Variants in EYA4 observed in about 807,000 individuals in gnomAD.
The protein encoded by EYA4 is protein phosphatase EYA4.
A neutral mutation model predicts 87.9 loss-of-function variants in EYA4; 31 were observed. The observed-to-expected ratio is 0.35, with a 90% CI of 0.27 to 0.48. The LOEUF (loss-of-function observed/expected upper bound fraction) is 0.48, where lower values mean the gene tolerates loss of function less well. EYA4 is among the 20% of genes least tolerant of loss of function. The pLI is 0.99. For missense variants in EYA4, 678 were observed against 761.4 expected (o/e 0.89, Z 1.29); for synonymous variants, 263 against 270.6 (o/e 0.97, Z 0.28).
chr6:133,407,819 T>A (rs1250931894), intron 3 of EYA4, among the ~76,000 whole-genome samples: 1 of 152,206 alleles, frequency 6.6e-6, no homozygotes, highest in Non-Finnish European at 1.5e-5. Context: ...CAACTCATAT[T>A]TCTCAAATTC....
intron 13 of EYA4, among the ~76,000 whole-genome samples, chr6:133,486,642 C>A (rs879613835): frequency 1.3e-4 from 20 of 152,092 alleles, no homozygotes; most frequent in Non-Finnish European, 2.4e-4. Flanking sequence ...GGGTATGTGA[C>A]TGAGGAAGTG....
At chr6:133,363,638 C>A (rs569480967) in intron 2 of EYA4, among the ~76,000 whole-genome samples, 1 of 98,846 alleles carries the variant, frequency 1.0e-5, no homozygotes, top group South Asian at 3.0e-4. Context: ...CCACGCCTGG[C>A]TATTTTTTTT....
intron 2 of EYA4, among the ~76,000 whole-genome samples, chr6:133,323,073 C>T (rs576419609): frequency 1.9e-4 from 29 of 149,276 alleles, no homozygotes; most frequent in African/African-American, 5.6e-4. Context: ...GTATAAAATC[C>T]GTGTGTGTGT....
At chr6:133,444,030 A>G (rs543890912) in intron 3 of EYA4, among the ~76,000 whole-genome samples, 11 of 152,324 alleles carry the variant, frequency 7.2e-5, no homozygotes, top group African/African-American at 2.4e-4. Flanking sequence ...GGAACTGTCA[A>G]TTAGGTCACA....
At chr6:133,303,648 T>C (rs981361426) in intron 2 of EYA4, among the ~76,000 whole-genome samples, 1 of 152,240 alleles carries the variant, frequency 6.6e-6, no homozygotes, top group Non-Finnish European at 1.5e-5. Context: ...TTTTGGGGGT[T>C]CATTTAATTG....
At chr6:133,489,985 TA>T (rs1222852205) in intron 13 of EYA4, among the ~76,000 whole-genome samples, 5 of 152,238 alleles carry the variant, frequency 3.3e-5, no homozygotes, top group African/African-American at 1.2e-4. Context: ...AGGATATAAA[TA>T]GAAACAACAA....
At chr6:133,435,910 C>T (rs1791625396) in intron 3 of EYA4, among the ~76,000 whole-genome samples, 1 of 152,072 alleles carries the variant, frequency 6.6e-6, no homozygotes, top group African/African-American at 2.4e-5. Flanking sequence ...GGAGATCTAA[C>T]ACTGCACATA....
chr6:133,392,732 G>T (rs1787411741), intron 3 of EYA4, among the ~76,000 whole-genome samples: 1 of 152,198 alleles, frequency 6.6e-6, no homozygotes, highest in African/African-American at 2.4e-5. Context: ...CATGGTGGCA[G>T]GGGGAAGGAT....
At position 133,481,498 on chromosome 6, in the gene EYA4, A is replaced by G. The variant is rs751722318; in HGVS notation, c.1006A>G (p.Ile336Val). 2 of 1,613,920 alleles carry G rather than the reference A, an allele frequency of 1.2e-6. No homozygotes were observed. Among genetic ancestry groups the G allele is most frequent in the Admixed American group, 3.3e-5 (2 of 60,000 alleles). ...TACCATGCAGAGTCCCTCCACACCC[A>G]TCAAAGATCTTGATGAGAGAACCTG... is the stretch of plus-strand genomic sequence containing the variant. ...FDTMQSPSTP[I>V]KDLDERTCRS... is the part of the protein sequence containing the mutation. Residue 336 changes from isoleucine to valine, a missense_variant, in exon 12 of 20, where the codon ATC becomes GTC. Coordinates refer to ENST00000355286, the MANE Select transcript of EYA4 (RefSeq NM_004100.5).
In EYA4 at chr6:133,258,362, G is replaced by A. The variant is rs181121251; in HGVS notation, c.-65-16354G>A. ...CCATCTTCCTGATTTCAGTTCTCACGCTTTAAATTCTTTTTTATTGCGATC... is the reference window on the plus strand; with the variant it reads ...CCATCTTCCTGATTTCAGTTCTCACACTTTAAATTCTTTTTTATTGCGATC... On this transcript the variant is annotated intron_variant, in intron 1 of 19. Transcript: ENST00000355286. Among the ~76,000 whole-genome samples, 9 of 152,226 alleles carry A rather than the reference G, an allele frequency of 5.9e-5. No homozygotes were observed. In the East Asian group the frequency reaches 1.4e-3, roughly 23 times the overall value.
At chr6:133,263,665 C>A (rs1417811509) in intron 1 of EYA4, among the ~76,000 whole-genome samples, 1 of 152,200 alleles carries the variant, frequency 6.6e-6, no homozygotes, top group Non-Finnish European at 1.5e-5. Context: ...GGGTATAATA[C>A]ACATGCAAGC....
At chr6:133,449,034 A>G (rs969414157) in intron 5 of EYA4, among the ~76,000 whole-genome samples, 1 of 152,208 alleles carries the variant, frequency 6.6e-6, no homozygotes, top group Non-Finnish European at 1.5e-5. Flanking sequence ...GTATTTGTAT[A>G]GTTTTAGTTT....
intron 13 of EYA4, 43 bp downstream of exon 13, chr6:133,483,158 T>A (rs1205010294): frequency 6.7e-7 from 1 of 1,492,546 alleles, no homozygotes; most frequent in African/African-American, 1.4e-5. Context: ...CTTGTTAAAT[T>A]TTTTGTGTTT....
intron 2 of EYA4, among the ~76,000 whole-genome samples, chr6:133,306,226 A>G (rs1342231346): frequency 6.6e-6 from 1 of 152,226 alleles, no homozygotes; most frequent in Non-Finnish European, 1.5e-5. Context: ...TACCGCGGTA[A>G]GTGGCAGAGT....
intron 11 of EYA4, among the ~76,000 whole-genome samples, chr6:133,474,386 A>G (rs1795542693): frequency 6.6e-6 from 1 of 152,104 alleles, no homozygotes; most frequent in South Asian, 2.1e-4. Context: ...CCTATTAAAT[A>G]TATTAAATGC....
chr6:133,412,988 CA>C (rs1195382694), intron 3 of EYA4, among the ~76,000 whole-genome samples: 2 of 152,122 alleles, frequency 1.3e-5, no homozygotes, highest in African/African-American at 2.4e-5. Flanking sequence ...GTCATGTGTA[CA>C]CTTACATATA....
At chr6:133,308,460 T>A (rs1932747) in intron 2 of EYA4, among the ~76,000 whole-genome samples, 1 of 151,996 alleles carries the variant, frequency 6.6e-6, no homozygotes, top group Non-Finnish European at 1.5e-5. Flanking sequence ...GTTTGATGCT[T>A]AGGTTTGGGG....
At chr6:133,331,667 A>T (rs1781973706) in intron 2 of EYA4, among the ~76,000 whole-genome samples, 1 of 152,234 alleles carries the variant, frequency 6.6e-6, no homozygotes, top group Non-Finnish European at 1.5e-5. Context: ...CAATGTGGCC[A>T]TCCAAGAAGA....
At chr6:133,501,106 C>T (rs1247193337) in intron 13 of EYA4, among the ~76,000 whole-genome samples, 1 of 152,102 alleles carries the variant, frequency 6.6e-6, no homozygotes, top group African/African-American at 2.4e-5. Context: ...CTGTTCATAC[C>T]TAGCTCCCTC....
Sources: allele counts gnomAD v4.1 joint callset (sites outside exome capture counted in the v4.1 genomes callset), GRCh38; gene constraint gnomAD v4.1.1; transcripts MANE v1.5; gene names NCBI Gene and HGNC (gene_info 2026-07-23, HGNC 2026-07-21).